KANSL1L: variants seen among roughly 807,000 people sequenced by gnomAD.
The protein encoded by KANSL1L is KAT8 regulatory NSL complex subunit 1 like.
KANSL1L carries 25 observed loss-of-function variants against 108.6 expected under a neutral mutation model. That is an observed-to-expected ratio of 0.23 (90% confidence interval 0.17 to 0.32). The LOEUF (loss-of-function observed/expected upper bound fraction) is 0.32, where lower values mean the gene tolerates loss of function less well. Among genes scored for constraint, KANSL1L ranks in the 10% least tolerant of loss-of-function variants. The pLI, the probability that KANSL1L is intolerant of heterozygous loss-of-function variation, is 1.00. For synonymous variants in KANSL1L, 405 were observed against 395.1 expected (o/e 1.03, Z -0.30); for missense variants, 1,137 against 1,125.7 (o/e 1.01, Z -0.14).
intron 2 of KANSL1L, among the ~76,000 whole-genome samples, chr2:210,145,018 G>A (rs780495070): frequency 2.0e-5 from 3 of 152,212 alleles, no homozygotes; most frequent in Non-Finnish European, 4.4e-5. Context: ...GCTGGGTGCA[G>A]TGTGACAGTT....
rs989503746 is a variant in KANSL1L, at chr2:210,028,953, C to G, written c.2288G>C (p.Arg763Thr). The G allele has an allele frequency of 1.9e-6, 3 of 1,611,044 alleles. No individual in the cohort carries two copies. The African/African-American group carries it at 4.0e-5, about 22-fold the overall frequency. ...GTCATAAGAGCTCTCACTTCTCAAT[C>G]TCCGTCGTGCAGTATTCTGCAAAAC... ...QNSSRNTARR[R>T]LRSESSYDID... is the part of the protein sequence containing the mutation. The change falls in exon 11 of 15, where the codon AGA becomes ACA. Residue 763 changes from arginine (R) to threonine (T), a missense_variant. Arg to Thr is a moderately conservative substitution (Grantham distance 71). Around this residue, in one of 3 missense-constraint regions of KANSL1L, gnomAD observed 575 missense variants for 567.1 expected, o/e 1.01. Transcript: ENST00000281772.
chr2:210,156,012 G>A (rs1397552831), intron 1 of KANSL1L, among the ~76,000 whole-genome samples: 3 of 151,974 alleles, frequency 2.0e-5, no homozygotes, highest in African/African-American at 4.8e-5. Flanking sequence ...TTAAAAAAAC[G>A]GTTACTAGCA....
At chr2:210,156,355 G>C (rs1418265902) in intron 1 of KANSL1L, among the ~76,000 whole-genome samples, 9 of 151,930 alleles carry the variant, frequency 5.9e-5, no homozygotes. Context: ...TGTAGAAAAT[G>C]TGTTTGTCAA....
intron 1 of KANSL1L, among the ~76,000 whole-genome samples, chr2:210,164,634 A>C (rs903256056): frequency 2.6e-5 from 4 of 152,132 alleles, no homozygotes; most frequent in African/African-American, 9.7e-5. Context: ...TAGAAGGAAG[A>C]AAACTGGAAA....
intron 6 of KANSL1L, among the ~76,000 whole-genome samples, chr2:210,047,078 T>C (rs1199235489): frequency 7.2e-6 from 1 of 139,508 alleles, no homozygotes; most frequent in African/African-American, 2.7e-5. Flanking sequence ...GCCTCCATTA[T>C]CTCTAAATTG....
At chr2:210,133,690 T>C (rs1047597422) in intron 2 of KANSL1L, among the ~76,000 whole-genome samples, 3 of 152,116 alleles carry the variant, frequency 2.0e-5, no homozygotes, top group South Asian at 2.1e-4. Context: ...TGTATAGCCA[T>C]ACAGCATTGC....
chr2:210,147,428 G>A (rs1198554612), intron 2 of KANSL1L, among the ~76,000 whole-genome samples: 1 of 152,066 alleles, frequency 6.6e-6, no homozygotes, highest in Non-Finnish European at 1.5e-5. Context: ...ACTCCAGCCT[G>A]GGCAACAGAG....
At chr2:210,099,009 A>C (rs1036697275) in intron 4 of KANSL1L, among the ~76,000 whole-genome samples, 2 of 152,062 alleles carry the variant, frequency 1.3e-5, no homozygotes, top group African/African-American at 4.8e-5. Context: ...TACACCTGTA[A>C]TCCACGTTCA....
chr2:210,163,660 C>T (rs2095372676), intron 1 of KANSL1L, among the ~76,000 whole-genome samples: 1 of 152,012 alleles, frequency 6.6e-6, no homozygotes, highest in South Asian at 2.1e-4. Flanking sequence ...ATCCAGGAAG[C>T]TCAGAGAACA....
chr2:210,034,242 A>G (rs1008449087), intron 8 of KANSL1L, among the ~76,000 whole-genome samples: 1 of 152,230 alleles, frequency 6.6e-6, no homozygotes, highest in African/African-American at 2.4e-5. Flanking sequence ...ATAGGAAAAT[A>G]TTCATTTCAG....
At chr2:210,032,567 C>G (rs1432351574) in intron 8 of KANSL1L, 1 of 152,230 alleles carries the variant, frequency 6.6e-6, no homozygotes, top group Non-Finnish European at 1.5e-5. Context: ...ATGCCAATAT[C>G]TCAGTCAGAC....
chr2:210,156,302 A>G (rs1287154828), intron 1 of KANSL1L, among the ~76,000 whole-genome samples: 3 of 152,132 alleles, frequency 2.0e-5, no homozygotes, highest in East Asian at 1.9e-4. Flanking sequence ...AAGACTTCTC[A>G]TATCTATTGG....
chr2:210,159,232 A>G (rs2095349237), intron 1 of KANSL1L, among the ~76,000 whole-genome samples: 1 of 152,232 alleles, frequency 6.6e-6, no homozygotes. Context: ...GCTGTATTTG[A>G]AACACACCAA....
chr2:210,065,579 A>ATTTTTTTTTTTTTTTTTTTTTTTTTT (rs57999970), intron 6 of KANSL1L, among the ~76,000 whole-genome samples: 7 of 64,908 alleles, frequency 1.1e-4, no homozygotes, highest in Non-Finnish European at 9.1e-5. Flanking sequence ...CCTGGACATG[A>ATTTTTTTTTTTTTTTTTTTTTTTTTT]TTTTTTTTTT....
At chr2:210,025,974 C>T (rs2539868) in intron 12 of KANSL1L, among the ~76,000 whole-genome samples, 149,251 of 152,338 alleles carry the variant, frequency 0.98, 73,193 homozygotes, top group Middle Eastern at 1. Flanking sequence ...TTTTATGGAT[C>T]GTCCATTGTG....
intron 5 of KANSL1L, among the ~76,000 whole-genome samples, chr2:210,090,324 A>G (rs1284017213): frequency 2.6e-5 from 4 of 152,174 alleles, no homozygotes; most frequent in Admixed American, 2.0e-4. Flanking sequence ...GTTGAGTAGC[A>G]TACTACATTT....
rs139057570 is a variant in KANSL1L, at chr2:210,094,331, A to T, written c.1550+3755T>A. Among the ~76,000 whole-genome samples the T allele has an allele frequency of 5.2e-3, 787 of 152,270 alleles. 1 individual carries two copies. The highest frequency in any genetic ancestry group is 8.5e-3 in the Non-Finnish European group (579 of 67,972). ...AGAAGTATTTATATGCTTAACAAGG[A>T]CATCTTCAGAAAGTGCTTTGTGGTT... On this transcript the variant is annotated intron_variant, in intron 5 of 14. Transcript: ENST00000281772.
At chr2:210,089,662 CAATT>C (rs1575508992) in intron 5 of KANSL1L, among the ~76,000 whole-genome samples, 2 of 149,666 alleles carry the variant, frequency 1.3e-5, no homozygotes, top group East Asian at 3.9e-4. Flanking sequence ...AAAAACACTA[CAATT>C]GATTAAAAAT....
intron 4 of KANSL1L, among the ~76,000 whole-genome samples, chr2:210,100,166 C>T (rs1040372343): frequency 6.6e-5 from 10 of 152,174 alleles, no homozygotes; most frequent in Non-Finnish European, 1.2e-4. Flanking sequence ...CTCATAGCAG[C>T]GCGAACCATA....
Sources: gnomAD v4.1 joint callset for allele counts (sites outside exome capture counted in the v4.1 genomes callset) on GRCh38, gnomAD v4.1.1 for gene constraint, gnomAD v4.1.1 regional missense constraint, MANE v1.5 for transcripts, NCBI Gene and HGNC (gene_info 2026-07-23, HGNC 2026-07-21) for gene names.